TRAF3: variants seen among roughly 807,000 people sequenced by gnomAD.
TRAF3 encodes the protein TNF receptor-associated factor 3.
Under a neutral mutation model 62.3 loss-of-function variants are expected in TRAF3, and 13 were observed. The ratio of observed to expected loss-of-function variants is 0.21; its 90% CI spans 0.14 to 0.33. The LOEUF (loss-of-function observed/expected upper bound fraction) is 0.33, where lower values mean the gene tolerates loss of function less well. TRAF3 is among the 10% of genes least tolerant of loss of function. TRAF3 has a pLI of 1.00. For synonymous variants in TRAF3, 269 were observed against 283.4 expected (o/e 0.95, Z 0.51); for missense variants, 440 against 741.8 (o/e 0.59, Z 4.73).
At chr14:102,822,558 A>G (rs1404159588) in intron 1 of TRAF3, among the ~76,000 whole-genome samples, 1 of 152,242 alleles carries the variant, frequency 6.6e-6, no homozygotes, top group East Asian at 1.9e-4. Flanking sequence ...TTAAGTTAAC[A>G]GGAGTATCTT....
chr14:102,777,739 C>G (rs1270353168), intron 1 of TRAF3, 64 bp downstream of exon 1: 3 of 144,816 alleles, frequency 2.1e-5, no homozygotes, highest in African/African-American at 4.9e-5. Context: ...TCCCCGTCGC[C>G]TCCATCCCGC....
At chr14:102,899,242 T>TC (rs1186385474) in intron 10 of TRAF3, among the ~76,000 whole-genome samples, 2 of 152,204 alleles carry the variant, frequency 1.3e-5, no homozygotes, top group Non-Finnish European at 2.9e-5. Flanking sequence ...AGGAGGATTC[T>TC]GCACTGTCCA....
chr14:102,854,800 TG>T (rs1159433434), intron 2 of TRAF3, among the ~76,000 whole-genome samples: 148 of 107,268 alleles, frequency 1.4e-3, no homozygotes, highest in Non-Finnish European at 2.2e-3. Context: ...CGCACCTGGC[TG>T]TTTTTTTTTT....
rs138229088 is a variant in TRAF3, at chr14:102,895,970, C to T, written c.820-1291C>T. The stretch of plus-strand genomic sequence containing the variant: ...GCACCCATGTAATTTTTTGTATTCT[C>T]GTCACGCTCTCATTATGTTGGCAGA... On this transcript the variant is annotated intron_variant, in intron 9 of 11. Coordinates refer to ENST00000392745, the MANE Select transcript of TRAF3 (RefSeq NM_145725.3). Among the ~76,000 whole-genome samples, 503 of 152,206 alleles carry T rather than the reference C, an allele frequency of 3.3e-3. 2 individuals are homozygous for T. Among genetic ancestry groups the T allele is most frequent in the African/African-American group, 0.011 (472 of 41,520 alleles).
chr14:102,825,157 G>T (rs145946739), intron 1 of TRAF3, among the ~76,000 whole-genome samples: 3 of 152,194 alleles, frequency 2.0e-5, no homozygotes, highest in African/African-American at 7.2e-5. Flanking sequence ...CCGTGCCTTC[G>T]CCAGGAGGAG....
At chr14:102,893,426 G>T (rs1889834888) in intron 9 of TRAF3, among the ~76,000 whole-genome samples, 1 of 151,522 alleles carries the variant, frequency 6.6e-6, no homozygotes, top group South Asian at 2.1e-4. Flanking sequence ...TGTTACTGCT[G>T]TGTTAGATAC....
intron 2 of TRAF3, among the ~76,000 whole-genome samples, chr14:102,835,222 G>A (rs2063212657): frequency 6.6e-6 from 1 of 152,182 alleles, no homozygotes; most frequent in Non-Finnish European, 1.5e-5. Flanking sequence ...ACACCAGTCA[G>A]AATAACTATT....
intron 1 of TRAF3, among the ~76,000 whole-genome samples, chr14:102,814,020 G>T (rs1899360683): frequency 6.6e-6 from 1 of 152,046 alleles, no homozygotes; most frequent in Non-Finnish European, 1.5e-5. Context: ...CCTATGTTTT[G>T]TAGTAGTTTT....
chr14:102,889,592 C>T lies in TRAF3; in HGVS notation c.684C>T (p.Ala228=). The T allele has an allele frequency of 1.2e-6, 2 of 1,614,216 alleles. No individual in the cohort carries two copies. The highest frequency in any genetic ancestry group is 1.7e-6 in the Non-Finnish European group (2 of 1,180,042). The change falls in exon 8 of 12, where the codon GCC becomes GCT. Residue 228 remains alanine (A), a synonymous_variant. Coordinates refer to ENST00000392745, the MANE Select transcript of TRAF3 (RefSeq NM_145725.3). ...LSAHLSECVN[A]PSTCSFKRYG... Reference sequence around the variant, plus strand: ...CACACTTGTCAGAGTGTGTCAATGCCCCCAGCACCTGTAGTTTTAAGCGCT... The same window carrying T: ...CACACTTGTCAGAGTGTGTCAATGCTCCCAGCACCTGTAGTTTTAAGCGCT...
chr14:102,868,235 A>C (rs28562428), intron 2 of TRAF3, among the ~76,000 whole-genome samples: 8,461 of 152,298 alleles, frequency 0.056, 343 homozygotes, highest in African/African-American at 0.11. Flanking sequence ...CCGTATCGTG[A>C]GAAAGGATGG....
chr14:102,811,550 G>GGTTT (rs1555367643), intron 1 of TRAF3, among the ~76,000 whole-genome samples: 2 of 79,512 alleles, frequency 2.5e-5, no homozygotes, highest in African/African-American at 9.4e-5. Context: ...GCTGTAGGCG[G>GGTTT]TTTTTTTTTT....
At chr14:102,860,602 A>G (rs2139777904) in intron 2 of TRAF3, among the ~76,000 whole-genome samples, 1 of 152,322 alleles carries the variant, frequency 6.6e-6, no homozygotes, top group South Asian at 2.1e-4. Context: ...AGGTGCTGAG[A>G]GAAAGGAAAA....
rs1898239572 is a variant in TRAF3 at position 102,798,872 on chromosome 14, G to A, written c.-157+21197G>A. On this transcript the variant is annotated intron_variant, in intron 1 of 11. Transcript: ENST00000392745. Reference sequence around the variant, plus strand: ...CTCCATGAGGCATTCTGTGTTCTCAGGAAATTCAGACTGCCAGTTTCAGTC... The same window carrying A: ...CTCCATGAGGCATTCTGTGTTCTCAAGAAATTCAGACTGCCAGTTTCAGTC... 2.0e-5 allele frequency among the ~76,000 whole-genome samples: 3 copies of A among 152,318 alleles called. 1 individual carries two copies. In the South Asian group the frequency reaches 6.2e-4, roughly 32 times the overall value.
Position 102,905,455 on chromosome 14 carries a change from C to T in TRAF3, c.1378C>T (p.Leu460=). 6.2e-7 allele frequency: 1 copy of T among 1,614,242 alleles called. No individual in the cohort carries two copies. The highest frequency in any genetic ancestry group is 1.1e-5 in the South Asian group (1 of 91,082). ...CTATAAGATGTGTGCCAGGGTCTAC[C>T]TGAACGGGGACGGGATGGGGAAGGG... The part of the protein sequence containing the change: ...FGYKMCARVY[L]NGDGMGKGTH... The change falls in exon 12 of 12, where the codon CTG becomes TTG. Residue 460 remains leucine, a synonymous_variant. Transcript: ENST00000392745.
chr14:102,890,807 T>TAC (rs1174210478), intron 8 of TRAF3, among the ~76,000 whole-genome samples: 6 of 152,222 alleles, frequency 3.9e-5, no homozygotes, highest in Non-Finnish European at 5.9e-5. Flanking sequence ...TGAAGAGCAA[T>TAC]ACATCTTTGG....
At chr14:102,823,453 T>C (rs1450898767) in intron 1 of TRAF3, among the ~76,000 whole-genome samples, 1 of 152,248 alleles carries the variant, frequency 6.6e-6, no homozygotes, top group East Asian at 1.9e-4. Context: ...ACTTATATTT[T>C]ATATTAAAAT....
intron 6 of TRAF3, among the ~76,000 whole-genome samples, chr14:102,882,989 A>G (rs2139898256): frequency 6.6e-6 from 1 of 152,306 alleles, no homozygotes; most frequent in Middle Eastern, 3.4e-3. Context: ...ATCTCACCCT[A>G]TGGGAAAGCA....
intron 4 of TRAF3, among the ~76,000 whole-genome samples, chr14:102,874,959 G>A (rs530973963): frequency 2.6e-4 from 39 of 152,218 alleles, no homozygotes; most frequent in East Asian, 7.7e-4. Flanking sequence ...GCCCAGCCTC[G>A]TTTTCATTTT....
intron 1 of TRAF3, among the ~76,000 whole-genome samples, chr14:102,821,733 G>A (rs1330049351): frequency 6.6e-6 from 1 of 152,208 alleles, no homozygotes; most frequent in Non-Finnish European, 1.5e-5. Context: ...CCGTTTCCAA[G>A]TGTGGCCTTT....
Sources: allele counts gnomAD v4.1 joint callset (sites outside exome capture counted in the v4.1 genomes callset), GRCh38; gene constraint gnomAD v4.1.1; transcripts MANE v1.5; gene names NCBI Gene and HGNC (gene_info 2026-07-23, HGNC 2026-07-21).